Variants in ALG6 observed in about 807,000 individuals in gnomAD.
The protein encoded by ALG6 is ALG6 alpha-1,3-glucosyltransferase, also known as dolichyl pyrophosphate Man9GlcNAc2 alpha-1,3-glucosyltransferase.
Under a neutral mutation model 66.6 loss-of-function variants are expected in ALG6, and 46 were observed. The observed-to-expected ratio is 0.69, with a 90% confidence interval of 0.55 to 0.88. The LOEUF (loss-of-function observed/expected upper bound fraction) is 0.88. ALG6 is among the 40% of genes least tolerant of loss of function. ALG6 has a pLI of 0.00. For missense variants in ALG6, 505 were observed against 586.8 expected (o/e 0.86, Z 1.44); for synonymous variants, 185 against 203.7 (o/e 0.91, Z 0.78).
At chr1:63,382,599 G>C (rs1169217061) in intron 2 of ALG6, among the ~76,000 whole-genome samples, 2 of 150,382 alleles carry the variant, frequency 1.3e-5, no homozygotes, top group African/African-American at 4.9e-5. Flanking sequence ...TCAGCCTCCT[G>C]AGTAGCTAGG....
At position 63,416,332 on chromosome 1, in the gene ALG6, T is replaced by C. The variant is rs55770803; in HGVS notation, c.987+375T>C. Among the ~76,000 whole-genome samples, 1,444 of 152,064 alleles carry C rather than the reference T, an allele frequency of 9.5e-3. 26 individuals carry two copies. Among genetic ancestry groups the C allele is most frequent in the African/African-American group, 0.033 (1,381 of 41,456 alleles). The stretch of plus-strand genomic sequence containing the variant: ...GAGATATTATCTCGGGGGGAGATTT[T>C]AGAATGCTGTTTAGGGCAAGTGGGA... On this transcript the variant is annotated intron_variant, in intron 11 of 14. Coordinates refer to ENST00000263440, the MANE Select transcript of ALG6 (RefSeq NM_013339.4).
chr1:63,412,429 T>G (rs960309040), intron 9 of ALG6, among the ~76,000 whole-genome samples: 14 of 152,280 alleles, frequency 9.2e-5, no homozygotes, highest in African/African-American at 3.4e-4. Context: ...GTTCCATCAA[T>G]AGGTAATATT....
chr1:63,394,229 T>C (rs1390500944), intron 2 of ALG6, among the ~76,000 whole-genome samples: 1 of 152,236 alleles, frequency 6.6e-6, no homozygotes, highest in African/African-American at 2.4e-5. Flanking sequence ...TTTGACTCTA[T>C]GTGATTTTTA....
intron 11 of ALG6, among the ~76,000 whole-genome samples, chr1:63,417,603 G>T (rs1644551616): frequency 6.6e-6 from 1 of 152,062 alleles, no homozygotes; most frequent in Non-Finnish European, 1.5e-5. Context: ...TATAATTGAG[G>T]TAACTGATAG....
Position 63,436,961 on chromosome 1 carries a change from T to C in ALG6, c.1465T>C (p.Phe489Leu). 6.2e-7 allele frequency: 1 copy of C among 1,613,706 alleles called. No individual in the cohort carries two copies. Among genetic ancestry groups the C allele is most frequent in the Non-Finnish European group, 8.5e-7 (1 of 1,179,708 alleles). ...CLNFLFFLVYFNIIIMWDSKS... is the reference protein window; with the variant it reads ...CLNFLFFLVYLNIIIMWDSKS... ...GAACTTCCTGTTCTTCTTGGTATAC[T>C]TTAACATTATTATTATGTGGGATTC... The change falls in exon 15 of 15, where the codon TTT (phenylalanine) becomes CTT (leucine). Residue 489 changes from phenylalanine (F) to leucine (L), a missense_variant. Physicochemically the swap from Phe to Leu is conservative, Grantham distance 22. Transcript: ENST00000263440.
At chr1:63,387,094 T>C (rs1387724622) in intron 2 of ALG6, among the ~76,000 whole-genome samples, 1 of 152,230 alleles carries the variant, frequency 6.6e-6, no homozygotes, top group Non-Finnish European at 1.5e-5. Context: ...TTGCACTGTT[T>C]CCAAAATTCC....
intron 3 of ALG6, 94 bp downstream of exon 3, chr1:63,396,691 GAAC>G: frequency 9.0e-7 from 1 of 1,106,904 alleles, no homozygotes; most frequent in Non-Finnish European, 1.3e-6. Context: ...TCTTCATCTT[GAAC>G]ATCCTCATCT....
At chr1:63,383,650 C>T (rs2100392204) in intron 2 of ALG6, among the ~76,000 whole-genome samples, 1 of 152,274 alleles carries the variant, frequency 6.6e-6, no homozygotes, top group South Asian at 2.1e-4. Context: ...GTATTCATTA[C>T]CTCAAGCATT....
At chr1:63,385,793 T>C (rs1648485707) in intron 2 of ALG6, among the ~76,000 whole-genome samples, 1 of 152,214 alleles carries the variant, frequency 6.6e-6, no homozygotes, top group Non-Finnish European at 1.5e-5. Context: ...TCCTTTCCAG[T>C]TTGGGTGACC....
rs72916653 is a variant in ALG6, at chr1:63,411,400, A to C, written c.680+69A>C. 1,113 of 1,414,382 alleles carry C rather than the reference A, an allele frequency of 7.9e-4. 11 individuals carry two copies. In the African/African-American group the frequency reaches 0.015, roughly 19 times the overall value. The allele number at this position is 1,414,382 out of a possible 1,614,324, so 87.6% of individuals were successfully genotyped here. On this transcript the variant is annotated intron_variant, in intron 8 of 14. Transcript: ENST00000263440. ...TAATTTTTTTGGCATACTTACTTGC[A>C]GTAAGATGATCTTTCACTTTGCCTT...
In ALG6 at chr1:63,436,993, T is replaced by A; in HGVS notation, c.1497T>A (p.Ser499Arg). Reference protein sequence around the residue: ...FNIIIMWDSKSGRNQKKIS With the variant: ...FNIIIMWDSKRGRNQKKIS The stretch of plus-strand genomic sequence containing the variant: ...TTATTATTATGTGGGATTCCAAAAG[T>A]GGAAGAAATCAGAAGAAAATCAGCT... Residue 499 changes from serine (S) to arginine (R), a missense_variant, in exon 15 of 15, where the codon AGT becomes AGA. By Grantham distance (110) the Ser-to-Arg change is moderately radical. Transcript: ENST00000263440. 6.2e-7 allele frequency: 1 copy of A among 1,613,320 alleles called. No homozygotes were observed.
At chr1:63,413,931 T>C in intron 9 of ALG6, 130 bp from the exon 10 acceptor site, 1 of 663,896 alleles carries the variant, frequency 1.5e-6, no homozygotes, top group South Asian at 1.6e-5. Context: ...GGATTTAATC[T>C]ATTTAGTTAT....
At chr1:63,431,974 T>C (rs967143497) in intron 14 of ALG6, among the ~76,000 whole-genome samples, 14 of 152,186 alleles carry the variant, frequency 9.2e-5, no homozygotes, top group African/African-American at 3.4e-4. Context: ...TCCTTTCTAA[T>C]GTGGATGACT....
intron 7 of ALG6, among the ~76,000 whole-genome samples, chr1:63,407,390 A>G (rs1644494098): frequency 6.6e-6 from 1 of 152,120 alleles, no homozygotes; most frequent in African/African-American, 2.4e-5. Flanking sequence ...GGGTGTTGGA[A>G]AAAGAGTGCC....
At chr1:63,374,953 T>C (rs1433735821) in intron 2 of ALG6, among the ~76,000 whole-genome samples, 1 of 152,176 alleles carries the variant, frequency 6.6e-6, no homozygotes, top group Non-Finnish European at 1.5e-5. Context: ...CTCATGCTTG[T>C]AATTCTAGCG....
chr1:63,427,167 ATTTTTTTT>A (rs534868219), intron 12 of ALG6, among the ~76,000 whole-genome samples: 1 of 134,294 alleles, frequency 7.4e-6, no homozygotes, highest in Non-Finnish European at 1.6e-5. Context: ...TGTCCAGCTA[ATTTTTTTT>A]TTTTTTTTTT....
In ALG6 at chr1:63,411,279, T is replaced by G. The variant is rs748777354; in HGVS notation, c.628T>G (p.Phe210Val). 3.1e-6 allele frequency: 5 copies of G among 1,613,794 alleles called. No homozygotes were observed. In the Admixed American group the frequency reaches 8.3e-5, roughly 27 times the overall value. Residue 210 changes from phenylalanine (F) to valine (V), a missense_variant, in exon 8 of 15, where the codon TTT becomes GTT. By Grantham distance (50) the Phe-to-Val change is conservative (BLOSUM62 -1). Coordinates refer to ENST00000263440, the MANE Select transcript of ALG6 (RefSeq NM_013339.4). Reference sequence around the variant, plus strand: ...GATGGAACTTTACCACGCCTTGCCATTTTTTTGCTTTTTACTTGGCAAGTG... The same window carrying G: ...GATGGAACTTTACCACGCCTTGCCAGTTTTTTGCTTTTTACTTGGCAAGTG... ...KQMELYHALP[F>V]FCFLLGKCFK...
intron 2 of ALG6, among the ~76,000 whole-genome samples, chr1:63,393,816 C>T (rs149568641): frequency 1.1e-4 from 16 of 152,268 alleles, no homozygotes; most frequent in African/African-American, 3.9e-4. Flanking sequence ...TGAACTTAAA[C>T]GTCCTTGCTG....
At chr1:63,406,223 A>G (rs1644489276) in intron 5 of ALG6, 94 bp from the exon 6 acceptor site, 1 of 1,110,436 alleles carries the variant, frequency 9.0e-7, no homozygotes. Flanking sequence ...ACCTTGTGTT[A>G]ATGAATTCTC....
Sources: gnomAD v4.1 joint callset for allele counts (sites outside exome capture counted in the v4.1 genomes callset) on GRCh38, gnomAD v4.1.1 for gene constraint, MANE v1.5 for transcripts, NCBI Gene and HGNC (gene_info 2026-07-23, HGNC 2026-07-21) for gene names.